ABCC1: variants seen among roughly 807,000 people sequenced by gnomAD.
The protein encoded by ABCC1 is multidrug resistance-associated protein 1.
ABCC1 carries 83 observed loss-of-function variants against 172.9 expected under a neutral mutation model. The observed-to-expected ratio is 0.48, with a 90% confidence interval of 0.40 to 0.58. The LOEUF (loss-of-function observed/expected upper bound fraction) is 0.58. Among genes scored for constraint, ABCC1 ranks in the 20% least tolerant of loss-of-function variants. The pLI, the probability that ABCC1 is intolerant of heterozygous loss-of-function variation, is 0.00. For missense variants in ABCC1, 1,817 were observed against 2,002.7 expected, an observed-to-expected ratio of 0.91 and a Z score of 1.77; for synonymous variants, 937 against 825.2, an observed-to-expected ratio of 1.14 and a Z score of -2.32.
intron 20 of ABCC1, among the ~76,000 whole-genome samples, chr16:16,106,367 T>C (rs1345533679): frequency 2.0e-5 from 3 of 147,978 alleles, no homozygotes; most frequent in East Asian, 2.0e-4. Context: ...CTTTCTGTTA[T>C]ATCTTTTATT....
chr16:16,093,317 A>G (rs1356351253), intron 19 of ABCC1, among the ~76,000 whole-genome samples: 2 of 151,398 alleles, frequency 1.3e-5, no homozygotes, highest in Non-Finnish European at 2.9e-5. Flanking sequence ...CTGTCTCTCT[A>G]CCCTTCCGTC....
At chr16:16,106,952 C>G in intron 21 of ABCC1, 79 bp downstream of exon 21, 1 of 1,573,450 alleles carries the variant, frequency 6.4e-7, no homozygotes, top group Non-Finnish European at 8.7e-7. Flanking sequence ...GTGCAAAGTG[C>G]CTTGTCTATG....
chr16:16,007,920 C>A lies in ABCC1; in HGVS notation c.153C>A (p.Pro51=). The part of the protein sequence containing the change: ...VPCFYLWACF[P]FYFLYLSRHD... Reference sequence around the variant, plus strand: ...GTTTTTACCTCTGGGCCTGTTTCCCCTTCTACTTCCTCTATCTCTCCCGAC... The same window carrying A: ...GTTTTTACCTCTGGGCCTGTTTCCCATTCTACTTCCTCTATCTCTCCCGAC... Residue 51 remains proline (P), a synonymous_variant, in exon 2 of 31, where the codon CCC becomes CCA. Coordinates refer to ENST00000399410, the MANE Select transcript of ABCC1 (RefSeq NM_004996.4). The A allele has an allele frequency of 6.2e-7, 1 of 1,612,780 alleles. No homozygotes were observed. The highest frequency in any genetic ancestry group is 1.1e-5 in the South Asian group (1 of 90,828).
intron 1 of ABCC1, among the ~76,000 whole-genome samples, chr16:15,976,006 C>T (rs1047750596): frequency 6.6e-6 from 1 of 151,980 alleles, no homozygotes; most frequent in Non-Finnish European, 1.5e-5. Flanking sequence ...TGGCTTACGC[C>T]TGTTATCCCA....
chr16:16,050,034 C>T lies in ABCC1; in HGVS notation c.1380+1731C>T, dbSNP rs368285161. 3.9e-4 allele frequency among the ~76,000 whole-genome samples: 59 copies of T among 152,190 alleles called. 1 individual carries two copies. The highest frequency in any genetic ancestry group is 1.2e-3 in the Admixed American group (18 of 15,264). ...TTTTGTTTTGTTTTTTTTGCATGCT[C>T]AGTGTACTGCCTCCTCTTTGAAGGG... On this transcript the variant is annotated intron_variant, in intron 10 of 30. Transcript: ENST00000399410.
intron 23 of ABCC1, among the ~76,000 whole-genome samples, chr16:16,115,580 C>T (rs1468937748): frequency 6.6e-6 from 1 of 152,116 alleles, no homozygotes; most frequent in Non-Finnish European, 1.5e-5. Context: ...CTCCTGAGCT[C>T]AGGTGATCCA....
At chr16:16,125,775 A>C (rs752048722) in intron 25 of ABCC1, 35 bp from the exon 26 acceptor site, 1 of 1,467,214 alleles carries the variant, frequency 6.8e-7, no homozygotes, top group Non-Finnish European at 9.4e-7. Context: ...ACGCCCGCTT[A>C]CTCTAGAAAT....
rs757133323 is a variant in ABCC1, at chr16:16,142,464, T to C, written c.*1183T>C. On this transcript the variant is annotated 3_prime_UTR_variant, in exon 31 of 31. Transcript: ENST00000399410. The stretch of plus-strand genomic sequence containing the variant: ...ACCAAAAAAATGTCCCCTTGAGTCT[T>C]TTCCTTGTTTTTAGATGTTAATTCT... 31 of 152,352 alleles carry C rather than the reference T, an allele frequency of 2.0e-4. No homozygotes were observed. Among genetic ancestry groups the C allele is most frequent in the East Asian group, 9.7e-4 (5 of 5,172 alleles). 9.4% of individuals were successfully genotyped at this position (152,352 alleles called of 1,614,324 possible).
chr16:16,064,513 A>G (rs1485521665), intron 12 of ABCC1, among the ~76,000 whole-genome samples: 3 of 152,160 alleles, frequency 2.0e-5, no homozygotes, highest in Non-Finnish European at 4.4e-5. Context: ...AAGGGGCCGC[A>G]TGATGTTGTC....
chr16:16,060,620 C>A (rs1319545517), intron 12 of ABCC1, among the ~76,000 whole-genome samples: 1 of 152,014 alleles, frequency 6.6e-6, no homozygotes, highest in African/African-American at 2.4e-5. Flanking sequence ...TCTCCCAGTT[C>A]AAGCAATTCT....
intron 20 of ABCC1, 28 bp downstream of exon 20, chr16:16,102,745 T>A: frequency 6.5e-7 from 1 of 1,550,208 alleles, no homozygotes; most frequent in Non-Finnish European, 8.7e-7. Flanking sequence ...GGCCCCAACC[T>A]AAGGACCCTG....
intron 11 of ABCC1, 85 bp downstream of exon 11, chr16:16,052,901 C>T (rs556130618): frequency 1.5e-6 from 2 of 1,360,356 alleles, no homozygotes; most frequent in Non-Finnish European, 2.1e-6. Context: ...TCCTTCTGCT[C>T]TGTCCCTGGG....
Position 15,949,888 on chromosome 16 carries a change from C to T in ABCC1, c.48+89C>T, listed in dbSNP as rs1405379928. The stretch of plus-strand genomic sequence containing the variant: ...CGGGCCCGCAGCCGCCCGGGGCACC[C>T]CGCTCCCCGCTCTGCTGCCGGCCTC... On this transcript the variant is annotated intron_variant, in intron 1 of 30. Coordinates refer to ENST00000399410, the MANE Select transcript of ABCC1 (RefSeq NM_004996.4). 8 of 1,081,672 alleles carry T rather than the reference C, an allele frequency of 7.4e-6. No homozygotes were observed. The East Asian group carries it at 3.2e-4, about 43-fold the overall frequency. The allele number at this position is 1,081,672 out of a possible 1,614,324, so 67.0% of individuals were successfully genotyped here.
At chr16:16,124,400 T>G (rs6498602) in intron 24 of ABCC1, among the ~76,000 whole-genome samples, 189 of 130,418 alleles carry the variant, frequency 1.4e-3, no homozygotes, top group South Asian at 5.1e-3. Context: ...TGTGTGTGTG[T>G]GTGTGTGTGT....
intron 1 of ABCC1, among the ~76,000 whole-genome samples, chr16:15,966,135 C>T (rs1354726008): frequency 6.6e-6 from 1 of 152,036 alleles, no homozygotes; most frequent in East Asian, 1.9e-4. Context: ...TCAGGCACAG[C>T]AGGGCGCGGT....
rs770603881 is a variant in ABCC1, at chr16:16,052,832, C to G, written c.1473+16C>G. ...GACGTATCAGGTAAGGCATGTGTCT[C>G]TGCGGGCCCCCAAGCCGGGCCCTAG... On this transcript the variant is annotated intron_variant, in intron 11 of 30. Transcript: ENST00000399410. 43 of 1,613,534 alleles carry G rather than the reference C, an allele frequency of 2.7e-5. No individual in the cohort carries two copies. Among genetic ancestry groups the G allele is most frequent in the Middle Eastern group, 3.3e-4 (2 of 6,084 alleles).
At chr16:15,980,633 C>T (rs1396002480) in intron 1 of ABCC1, among the ~76,000 whole-genome samples, 3 of 152,126 alleles carry the variant, frequency 2.0e-5, no homozygotes, top group African/African-American at 4.8e-5. Flanking sequence ...CTGGGTTCCT[C>T]CCACAACACA....
In ABCC1 at chr16:16,114,841, TGCTGCACA is replaced by T. The variant is rs778679800; in HGVS notation, c.3158_3165del (p.Leu1053HisfsTer10). 1 of 1,613,882 alleles carries T rather than the reference TGCTGCACA, an allele frequency of 6.2e-7. No homozygotes were observed. The highest frequency in any genetic ancestry group is 8.5e-7 in the Non-Finnish European group (1 of 1,179,776). ...GCTTCCCGCTGTCTGCACGTGGACC[TGCTGCACA>T]GCATCCTGCGGTCACCCATGAGCTT... On this transcript the variant is annotated frameshift_variant, in exon 23 of 31. Transcript: ENST00000399410. LOFTEE classifies it high-confidence loss of function.
intron 17 of ABCC1, among the ~76,000 whole-genome samples, chr16:16,085,118 T>C (rs1375414253): frequency 6.6e-6 from 1 of 152,176 alleles, no homozygotes; most frequent in Non-Finnish European, 1.5e-5. Context: ...CCTGTGTCCA[T>C]GTTGTTACCT....
Sources: gnomAD v4.1 joint callset for allele counts (sites outside exome capture counted in the v4.1 genomes callset) on GRCh38, gnomAD v4.1.1 for gene constraint, MANE v1.5 for transcripts, NCBI Gene and HGNC (gene_info 2026-07-23, HGNC 2026-07-21) for gene names.